Variants in PPIG observed in about 807,000 individuals in gnomAD.
PPIG encodes peptidyl-prolyl cis-trans isomerase G.
PPIG carries 26 observed loss-of-function variants against 87.9 expected under a neutral mutation model. The observed-to-expected ratio is 0.30, with a 90% confidence interval of 0.22 to 0.41. PPIG has a LOEUF of 0.41. Ranked by LOEUF, PPIG falls within the 10% of genes least tolerant of loss-of-function variation. The probability of loss-of-function intolerance (pLI) is 1.00; values close to 1 mark genes in which losing one functional copy is unlikely to be tolerated. For synonymous variants in PPIG, 308 were observed against 276.5 expected (o/e 1.11, Z -1.13); for missense variants, 722 against 879.4 (o/e 0.82, Z 2.26).
intron 1 of PPIG, among the ~76,000 whole-genome samples, chr2:169,591,121 A>G (rs1259318067): frequency 6.6e-6 from 1 of 152,260 alleles, no homozygotes; most frequent in Admixed American, 6.5e-5. Context: ...TAAAGTTACC[A>G]TATGCCTACT....
chr2:169,596,102 C>A (rs1370434979), intron 1 of PPIG, among the ~76,000 whole-genome samples: 2 of 142,304 alleles, frequency 1.4e-5, no homozygotes, highest in Non-Finnish European at 3.0e-5. Context: ...CTGCGCCCGG[C>A]CTTTTTGTTT....
rs565983669 is a variant in PPIG, at chr2:169,584,495, G to A, written c.-70+5G>A. 129 of 470,810 alleles carry A rather than the reference G, an allele frequency of 2.7e-4. No homozygotes were observed. The highest frequency in any genetic ancestry group is 2.5e-3 in the African/African-American group (126 of 50,198). The allele number at this position is 470,810 out of a possible 1,614,324, so 29.2% of individuals were successfully genotyped here. On this transcript the variant is annotated splice_donor_5th_base_variant and intron_variant, in intron 1 of 13. Transcript: ENST00000260970. ...AGGAAAACTCTACCGGTGCAGGTAA[G>A]TGGTATGAGGCTCAAGTTGTTCTGG...
intron 1 of PPIG, among the ~76,000 whole-genome samples, chr2:169,592,769 T>A (rs1360260723): frequency 6.6e-6 from 1 of 152,156 alleles, no homozygotes; most frequent in Non-Finnish European, 1.5e-5. Flanking sequence ...GAAATCATAA[T>A]TATAGAGGAA....
At chr2:169,623,701 CT>C (rs1685812172) in intron 9 of PPIG, among the ~76,000 whole-genome samples, 1 of 152,104 alleles carries the variant, frequency 6.6e-6, no homozygotes, top group African/African-American at 2.4e-5. Flanking sequence ...AATTTTGGCA[CT>C]TTTATTGGAA....
At chr2:169,610,556 T>A (rs1393296293) in intron 7 of PPIG, among the ~76,000 whole-genome samples, 1 of 152,088 alleles carries the variant, frequency 6.6e-6, no homozygotes, top group Non-Finnish European at 1.5e-5. Context: ...CTGTGAAGTG[T>A]CTCTCCCACC....
Position 169,637,160 on chromosome 2 carries a change from A to G in PPIG, c.1902A>G (p.Glu634=), listed in dbSNP as rs1370460213. The change falls in exon 14 of 14, where the codon GAA becomes GAG. Residue 634 remains glutamate, a synonymous_variant. Coordinates refer to ENST00000260970, the MANE Select transcript of PPIG (RefSeq NM_004792.3). ...GAGACTCACGGAGCTCAGAGAGAGA[A>G]GAAAGTCAAAGCAGAAACAAAGACA... The part of the protein sequence containing the change: ...RRRDSRSSER[E]ESQSRNKDKY... 1.2e-6 allele frequency: 2 copies of G among 1,612,812 alleles called. No homozygotes were observed. The highest frequency in any genetic ancestry group is 2.2e-5 in the East Asian group (1 of 44,862).
intron 9 of PPIG, among the ~76,000 whole-genome samples, chr2:169,620,991 A>G (rs537047561): frequency 1.3e-5 from 2 of 152,288 alleles, no homozygotes; most frequent in Non-Finnish European, 2.9e-5. Flanking sequence ...GTAACTCTAT[A>G]GTATTACATA....
Position 169,636,897 on chromosome 2 carries a change from A to G in PPIG, c.1639A>G (p.Arg547Gly), listed in dbSNP as rs757900987. 1 of 1,613,956 alleles carries G rather than the reference A, an allele frequency of 6.2e-7. No individual in the cohort carries two copies. Among genetic ancestry groups the G allele is most frequent in the Non-Finnish European group, 8.5e-7 (1 of 1,179,998 alleles). ...GGATAGACGCGCACAATCCAGGAGT[A>G]GAGAATGTGATATAACTAAAGGTAA... The part of the protein sequence containing the change: ...EKDRRAQSRS[R>G]ECDITKGKHS... Residue 547 changes from arginine (R) to glycine (G), a missense_variant, in exon 14 of 14, where the codon AGA becomes GGA. Physicochemically the swap from Arg to Gly is moderately radical, Grantham distance 125 (BLOSUM62 -2). Around this residue, in one of 4 missense-constraint regions of PPIG, gnomAD observed 476 missense variants for 483.1 expected, o/e 0.99. Transcript: ENST00000260970.
chr2:169,634,143 C>T (rs11690839), intron 12 of PPIG, among the ~76,000 whole-genome samples: 5,741 of 152,236 alleles, frequency 0.038, 163 homozygotes, highest in Non-Finnish European at 0.059. Flanking sequence ...TCACTGCAGC[C>T]TCAACCTTCC....
intron 9 of PPIG, among the ~76,000 whole-genome samples, chr2:169,627,520 A>G (rs962161514): frequency 1.3e-5 from 2 of 151,804 alleles, no homozygotes; most frequent in African/African-American, 2.4e-5. Context: ...GTTGTGTGGT[A>G]TGGTGTTTTG....
rs780517788 is a variant in PPIG at position 169,608,677 on chromosome 2, G to C, written c.296G>C (p.Ser99Thr). ...AAACTTTACTTCTCTATAGACGAGAGTTTCGCTGTTAAACACAACAAAGAA... is the reference window on the plus strand; with the variant it reads ...AAACTTTACTTCTCTATAGACGAGACTTTCGCTGTTAAACACAACAAAGAA... ...SIYGGFFEDE[S>T]FAVKHNKEFL... Residue 99 changes from serine to threonine, a missense_variant, in exon 7 of 14, where the codon AGT becomes ACT. Ser to Thr is a moderately conservative substitution (Grantham distance 58, BLOSUM62 1). This residue lies in a region of PPIG where 99 missense variants were observed against 215.8 expected (regional missense o/e 0.46). Coordinates refer to ENST00000260970, the MANE Select transcript of PPIG (RefSeq NM_004792.3). The C allele has an allele frequency of 6.2e-7, 1 of 1,607,618 alleles. No individual in the cohort carries two copies. Among genetic ancestry groups the C allele is most frequent in the South Asian group, 1.1e-5 (1 of 90,954 alleles).
At chr2:169,607,210 C>A in intron 6 of PPIG, 62 bp downstream of exon 6, 2 of 1,060,724 alleles carry the variant, frequency 1.9e-6, no homozygotes, top group Non-Finnish European at 2.8e-6. Context: ...ATTTTATTCT[C>A]TATGGAATCA....
intron 6 of PPIG, 44 bp downstream of exon 6, chr2:169,607,192 T>A: frequency 8.6e-7 from 1 of 1,157,110 alleles, no homozygotes; most frequent in Non-Finnish European, 1.3e-6. Context: ...TATTTTGTCT[T>A]TTATTCTATT....
intron 9 of PPIG, among the ~76,000 whole-genome samples, chr2:169,627,585 G>T (rs1272187805): frequency 6.6e-6 from 1 of 151,748 alleles, no homozygotes; most frequent in Non-Finnish European, 1.5e-5. Flanking sequence ...AGAATGCAGT[G>T]GTGCGATCAT....
At position 169,614,664 on chromosome 2, in the gene PPIG, A is replaced by T; in HGVS notation, c.487A>T (p.Ser163Cys). ...EIENQKTDAASKPFAEVRILS... is the reference protein window; with the variant it reads ...EIENQKTDAACKPFAEVRILS... ...TGAAAACCAGAAAACAGATGCAGCT[A>T]GCAAACCGTTTGCGGAGGTACGGAT... The change falls in exon 9 of 14, where the codon AGC becomes TGC. Residue 163 changes from serine to cysteine, a missense_variant. By Grantham distance (112) the Ser-to-Cys change is moderately radical. Transcript: ENST00000260970. 1 of 1,612,820 alleles carries T rather than the reference A, an allele frequency of 6.2e-7. No homozygotes were observed. Among genetic ancestry groups the T allele is most frequent in the Non-Finnish European group, 8.5e-7 (1 of 1,179,888 alleles).
At chr2:169,603,344 A>G (rs1050450591) in intron 1 of PPIG, among the ~76,000 whole-genome samples, 2 of 152,170 alleles carry the variant, frequency 1.3e-5, no homozygotes, top group Admixed American at 6.5e-5. Flanking sequence ...CTGTTATGGA[A>G]ATAAAGCTGT....
intron 1 of PPIG, among the ~76,000 whole-genome samples, chr2:169,597,171 A>G (rs1291371990): frequency 6.6e-6 from 1 of 152,150 alleles, no homozygotes; most frequent in Non-Finnish European, 1.5e-5. Context: ...ATAATTTTTA[A>G]TAGATAATAT....
intron 9 of PPIG, among the ~76,000 whole-genome samples, chr2:169,623,089 C>T (rs1685799817): frequency 6.6e-6 from 1 of 151,982 alleles, no homozygotes; most frequent in Admixed American, 6.6e-5. Context: ...CTTTTTGTGA[C>T]TATTTGAGTG....
intron 1 of PPIG, among the ~76,000 whole-genome samples, chr2:169,590,277 T>TA (rs1462918416): frequency 6.6e-6 from 1 of 152,214 alleles, no homozygotes; most frequent in Non-Finnish European, 1.5e-5. Context: ...GTGTTGAAGA[T>TA]ACAAAGGTTT....
Sources: allele counts gnomAD v4.1 joint callset (sites outside exome capture counted in the v4.1 genomes callset), GRCh38; gene constraint gnomAD v4.1.1; regional missense constraint gnomAD v4.1.1; transcripts MANE v1.5; gene names NCBI Gene and HGNC (gene_info 2026-07-23, HGNC 2026-07-21).